PTPRN2: variants seen among roughly 807,000 people sequenced by gnomAD.
PTPRN2 encodes the protein protein tyrosine phosphatase receptor type N2, also known as receptor-type tyrosine-protein phosphatase N2.
A neutral mutation model predicts 118.8 loss-of-function variants in PTPRN2; 74 were observed. The observed-to-expected ratio is 0.62, with a 90% CI of 0.52 to 0.76. The LOEUF is 0.76. Ranked by LOEUF, PTPRN2 falls within the 30% of genes least tolerant of loss-of-function variation. The pLI is 0.00. For synonymous variants in PTPRN2, 641 were observed against 608.0 expected, an observed-to-expected ratio of 1.05 and a Z score of -0.80; for missense variants, 1,481 against 1,394.4, an observed-to-expected ratio of 1.06 and a Z score of -0.99.
chr7:158,185,707 C>G (rs1388758886), intron 5 of PTPRN2, among the ~76,000 whole-genome samples: 1 of 152,168 alleles, frequency 6.6e-6, no homozygotes, highest in Non-Finnish European at 1.5e-5. Flanking sequence ...ATTTTCCATC[C>G]TTTAGGTCTA....
chr7:157,967,706 T>C (rs1404366761), intron 11 of PTPRN2, among the ~76,000 whole-genome samples: 1 of 152,190 alleles, frequency 6.6e-6, no homozygotes, highest in Non-Finnish European at 1.5e-5. Flanking sequence ...TGAGAGTCAG[T>C]CATACCTAAA....
intron 12 of PTPRN2, among the ~76,000 whole-genome samples, chr7:157,706,630 G>A (rs967514380): frequency 1.3e-5 from 2 of 151,486 alleles, no homozygotes; most frequent in Admixed American, 1.3e-4. Context: ...CCAGATCAAC[G>A]TGACCACATC....
At chr7:158,220,807 T>C (rs1828300807) in intron 3 of PTPRN2, among the ~76,000 whole-genome samples, 1 of 150,368 alleles carries the variant, frequency 6.7e-6, no homozygotes, top group Non-Finnish European at 1.5e-5. Context: ...GACTCAATGC[T>C]ATTCCTATCA....
At chr7:157,631,542 C>T (rs373810793) in intron 14 of PTPRN2, among the ~76,000 whole-genome samples, 2 of 150,720 alleles carry the variant, frequency 1.3e-5, no homozygotes, top group East Asian at 2.0e-4. Flanking sequence ...ACTAAAAATA[C>T]AAAAAATTAG....
chr7:157,817,483 C>T lies in PTPRN2; in HGVS notation c.1788+81190G>A, dbSNP rs987521124. On this transcript the variant is annotated intron_variant, in intron 12 of 22. Transcript: ENST00000389418. ...GCAGATGGTGCCACTGCCGGAGCCA[C>T]CCCAGAGCCACCATCACGGCACCGT... 3.3e-5 allele frequency among the ~76,000 whole-genome samples: 5 copies of T among 152,178 alleles called. No individual in the cohort carries two copies. The South Asian group carries it at 6.2e-4, about 19-fold the overall frequency.
chr7:158,245,476 T>C (rs1167342642), intron 3 of PTPRN2, among the ~76,000 whole-genome samples: 1 of 152,336 alleles, frequency 6.6e-6, no homozygotes, highest in East Asian at 1.9e-4. Flanking sequence ...CTCCACGCAC[T>C]TCTCATAGAG....
chr7:158,232,392 C>T (rs1829216520), intron 3 of PTPRN2, among the ~76,000 whole-genome samples: 1 of 151,896 alleles, frequency 6.6e-6, no homozygotes, highest in East Asian at 1.9e-4. Flanking sequence ...CAAGATTGAA[C>T]CATGAAGAAA....
chr7:157,694,367 T>C (rs972031660), intron 12 of PTPRN2, among the ~76,000 whole-genome samples: 1 of 152,184 alleles, frequency 6.6e-6, no homozygotes, highest in Non-Finnish European at 1.5e-5. Flanking sequence ...ATATTCTGGG[T>C]GGCAGACGGT....
intron 12 of PTPRN2, among the ~76,000 whole-genome samples, chr7:157,806,048 T>A (rs531116320): frequency 6.6e-6 from 1 of 152,174 alleles, no homozygotes; most frequent in Non-Finnish European, 1.5e-5. Flanking sequence ...TGTGGGAAGA[T>A]GTGCACACAG....
chr7:157,744,350 T>C (rs1427791466), intron 12 of PTPRN2, among the ~76,000 whole-genome samples: 5 of 152,030 alleles, frequency 3.3e-5, no homozygotes, highest in South Asian at 4.1e-4. Context: ...GGCTGGAACG[T>C]CACCTAAGGT....
rs80021638 is a variant in PTPRN2, at chr7:158,097,331, C to T, written c.1643+13498G>A. On this transcript the variant is annotated intron_variant, in intron 10 of 22. Coordinates refer to ENST00000389418, the MANE Select transcript of PTPRN2 (RefSeq NM_002847.5). ...CCGCGCCCCGTGCACAGAGAAGACC[C>T]CAACAAGAAGCATCAGGGTTGAGAA... Among the ~76,000 whole-genome samples the T allele has an allele frequency of 5.0e-3, 764 of 152,264 alleles. 26 individuals are homozygous for T. The East Asian group carries it at 0.095, about 19-fold the overall frequency.
At chr7:158,238,458 G>A (rs1795692170) in intron 3 of PTPRN2, among the ~76,000 whole-genome samples, 1 of 152,176 alleles carries the variant, frequency 6.6e-6, no homozygotes, top group Non-Finnish European at 1.5e-5. Context: ...CCGCTCATCA[G>A]AAACCTTTCT....
chr7:158,113,313 G>T (rs1490583567), intron 9 of PTPRN2, among the ~76,000 whole-genome samples: 1 of 152,168 alleles, frequency 6.6e-6, no homozygotes, highest in Non-Finnish European at 1.5e-5. Flanking sequence ...GGAAAGGAGA[G>T]ATGGGGCCAA....
At chr7:158,354,765 G>C (rs764956104) in intron 2 of PTPRN2, among the ~76,000 whole-genome samples, 4 of 152,156 alleles carry the variant, frequency 2.6e-5, no homozygotes, top group Admixed American at 6.5e-5. Context: ...CTTACTCAAA[G>C]AAACAGTAAC....
intron 11 of PTPRN2, among the ~76,000 whole-genome samples, chr7:157,950,242 C>T (rs929280297): frequency 3.3e-5 from 5 of 152,208 alleles, no homozygotes; most frequent in African/African-American, 1.2e-4. Context: ...CCAATTGTCT[C>T]ACCTTGAAAA....
chr7:158,070,408 CGTGCTCGTGGTGGTGGTGCTCG>C (rs1811160533), intron 11 of PTPRN2, among the ~76,000 whole-genome samples: 2 of 17,206 alleles, frequency 1.2e-4, no homozygotes, highest in Admixed American at 7.2e-4. Flanking sequence ...TGGTGGTGGA[CGTGCTCGTGGTGGTGGTGCTCG>C]TGGTGGTGGA....
chr7:157,769,094 C>T (rs1802649281), intron 12 of PTPRN2, among the ~76,000 whole-genome samples: 1 of 152,206 alleles, frequency 6.6e-6, no homozygotes, highest in South Asian at 2.1e-4. Context: ...ACGGGAGGAG[C>T]GTTTGCCTGC....
intron 21 of PTPRN2, 106 bp downstream of exon 21, chr7:157,568,796 G>T: frequency 8.5e-7 from 1 of 1,176,096 alleles, no homozygotes. Flanking sequence ...GGCACAACAA[G>T]CAGCGAATTT....
chr7:157,771,645 G>A (rs1371233003), intron 12 of PTPRN2, among the ~76,000 whole-genome samples: 3 of 152,088 alleles, frequency 2.0e-5, no homozygotes, highest in Non-Finnish European at 4.4e-5. Context: ...AAAGGGCAGT[G>A]CACACACACA....
Sources: gnomAD v4.1 joint callset for allele counts (sites outside exome capture counted in the v4.1 genomes callset) on GRCh38, gnomAD v4.1.1 for gene constraint, MANE v1.5 for transcripts, NCBI Gene and HGNC (gene_info 2026-07-23, HGNC 2026-07-21) for gene names.